The following DNAH11 variants were observed in gnomAD, a reference collection of about 807,000 sequenced individuals.
The protein encoded by DNAH11 is dynein axonemal heavy chain 11, also known as axonemal beta dynein heavy chain 11.
Under a neutral mutation model 526.0 loss-of-function variants are expected in DNAH11, and 442 were observed. The observed-to-expected ratio is 0.84, with a 90% CI of 0.78 to 0.91. DNAH11 has a LOEUF of 0.91. Ranked by LOEUF, DNAH11 falls within the 40% of genes least tolerant of loss-of-function variation. The pLI is 0.00. For missense variants in DNAH11, 6,989 were observed against 5,448.7 expected (o/e 1.28, Z -8.90); for synonymous variants, 2,461 against 1,935.9 (o/e 1.27, Z -7.12).
intron 69 of DNAH11, among the ~76,000 whole-genome samples, chr7:21,862,486 G>A (rs1057222901): frequency 1.1e-4 from 17 of 151,984 alleles, no homozygotes; most frequent in Non-Finnish European, 2.5e-4. Context: ...AATTAATAAC[G>A]CATATTTTTA....
chr7:21,775,355 A>G (rs561280340), intron 56 of DNAH11, among the ~76,000 whole-genome samples: 38 of 152,188 alleles, frequency 2.5e-4, no homozygotes, highest in African/African-American at 9.1e-4. Flanking sequence ...AGTGGCTCAC[A>G]CCTTTAATCC....
At chr7:21,793,876 T>C (rs939123729) in intron 61 of DNAH11, among the ~76,000 whole-genome samples, 2 of 152,196 alleles carry the variant, frequency 1.3e-5, no homozygotes, top group Non-Finnish European at 2.9e-5. Flanking sequence ...CTTGCTCTTT[T>C]TAAACTCCCT....
At chr7:21,644,180 G>A (rs936431228) in intron 28 of DNAH11, among the ~76,000 whole-genome samples, 1 of 152,190 alleles carries the variant, frequency 6.6e-6, no homozygotes, top group African/African-American at 2.4e-5. Flanking sequence ...AAAGGTGCTT[G>A]TGAGAAATGA....
intron 56 of DNAH11, among the ~76,000 whole-genome samples, chr7:21,776,449 C>G (rs918438553): frequency 1.1e-4 from 16 of 152,100 alleles, no homozygotes; most frequent in African/African-American, 3.9e-4. Context: ...GAGCGTAATG[C>G]CTGTATATTG....
In DNAH11 at chr7:21,816,549, G is replaced by T; in HGVS notation, c.10415G>T (p.Gly3472Val). The T allele has an allele frequency of 6.2e-7, 1 of 1,613,108 alleles. No individual in the cohort carries two copies. Among genetic ancestry groups the T allele is most frequent in the South Asian group, 1.1e-5 (1 of 90,800 alleles). ...DATIAAWNNE[G>V]LPSDRMSTEN... ...ACAATTGCCGCCTGGAATAACGAAG[G>T]ACTGCCCAGTGACAGAATGTCCACC... Residue 3472 changes from glycine (G) to valine (V), a missense_variant, in exon 64 of 82, where the codon GGA (glycine) becomes GTA (valine). Gly to Val is a moderately radical substitution (Grantham distance 109, BLOSUM62 -3). Transcript: ENST00000409508.
intron 28 of DNAH11, among the ~76,000 whole-genome samples, chr7:21,647,312 C>G (rs1156371873): frequency 1.3e-5 from 2 of 151,736 alleles, no homozygotes; most frequent in Non-Finnish European, 2.9e-5. Context: ...ATAGAAGTCT[C>G]AAAATCATCC....
At chr7:21,881,681 C>T (rs77196268) in intron 75 of DNAH11, among the ~76,000 whole-genome samples, 2 of 152,170 alleles carry the variant, frequency 1.3e-5, no homozygotes, top group Non-Finnish European at 2.9e-5. Flanking sequence ...TTCTATAAAG[C>T]GTTTTTAAAA....
intron 45 of DNAH11, among the ~76,000 whole-genome samples, chr7:21,726,325 C>G (rs776739609): frequency 2.0e-5 from 3 of 152,044 alleles, no homozygotes; most frequent in Non-Finnish European, 4.4e-5. Flanking sequence ...GAAACTGCCC[C>G]CATGACCCAA....
At chr7:21,866,369 C>A in intron 70 of DNAH11, 101 bp from the exon 71 acceptor site, 3 of 1,164,748 alleles carry the variant, frequency 2.6e-6, no homozygotes, top group Non-Finnish European at 3.6e-6. Flanking sequence ...TACTATCCAG[C>A]ACAGTTTTTT....
intron 63 of DNAH11, among the ~76,000 whole-genome samples, chr7:21,812,849 G>T (rs1789591950): frequency 6.6e-6 from 1 of 152,154 alleles, no homozygotes; most frequent in Non-Finnish European, 1.5e-5. Context: ...GAAGGGCCAG[G>T]CCTGTTGGCA....
intron 28 of DNAH11, among the ~76,000 whole-genome samples, chr7:21,649,710 T>A (rs2128463350): frequency 6.7e-6 from 1 of 150,022 alleles, no homozygotes; most frequent in East Asian, 2.0e-4. Context: ...CATGCTGGAG[T>A]GCTGGAGTGC....
chr7:21,824,092 C>G (rs1350717300), intron 65 of DNAH11, among the ~76,000 whole-genome samples: 3 of 152,136 alleles, frequency 2.0e-5, no homozygotes, highest in African/African-American at 7.2e-5. Context: ...ACTGAGAAAA[C>G]TTTCCTTTTC....
rs555524464 is a variant in DNAH11 at position 21,828,121 on chromosome 7, G to A, written c.10691+9782G>A. Among the ~76,000 whole-genome samples, 13 of 152,180 alleles carry A rather than the reference G, an allele frequency of 8.5e-5. No individual in the cohort carries two copies. The East Asian group carries it at 2.1e-3, about 25-fold the overall frequency. On this transcript the variant is annotated intron_variant, in intron 65 of 81. Transcript: ENST00000409508. Reference sequence around the variant, plus strand: ...GCGCCACCATGCGCGGCTAATTTTTGTATTTTTAGTAGAGATGGGGTTTCA... The same window carrying A: ...GCGCCACCATGCGCGGCTAATTTTTATATTTTTAGTAGAGATGGGGTTTCA...
chr7:21,641,316 C>T (rs984763315), intron 28 of DNAH11, among the ~76,000 whole-genome samples: 18 of 152,156 alleles, frequency 1.2e-4, no homozygotes, highest in Admixed American at 2.6e-4. Flanking sequence ...GCCTCCCCGT[C>T]GTGGCTGATA....
At chr7:21,680,523 G>C (rs1373805583) in intron 30 of DNAH11, among the ~76,000 whole-genome samples, 1 of 152,094 alleles carries the variant, frequency 6.6e-6, no homozygotes, top group African/African-American at 2.4e-5. Context: ...TTTTCTATTA[G>C]ATCCAAGTTC....
chr7:21,564,948 C>G (rs1011792536), intron 6 of DNAH11, among the ~76,000 whole-genome samples: 1 of 151,908 alleles, frequency 6.6e-6, no homozygotes, highest in Non-Finnish European at 1.5e-5. Context: ...TGTCCTCATC[C>G]TGTCTGTGTG....
chr7:21,650,156 T>A (rs79104921), intron 28 of DNAH11, among the ~76,000 whole-genome samples: 7,764 of 152,304 alleles, frequency 0.051, 233 homozygotes, highest in Non-Finnish European at 0.063. Flanking sequence ...AATTTATGCA[T>A]GTAAACATTT....
chr7:21,617,332 G>A (rs1029273171), intron 22 of DNAH11, among the ~76,000 whole-genome samples: 4 of 152,114 alleles, frequency 2.6e-5, no homozygotes, highest in Non-Finnish European at 5.9e-5. Flanking sequence ...TTCATTGCAC[G>A]TGTCCTGTGA....
intron 61 of DNAH11, 134 bp downstream of exon 61, chr7:21,789,476 T>C (rs918696419): frequency 1.3e-5 from 8 of 599,244 alleles, no homozygotes; most frequent in South Asian, 2.3e-5. Flanking sequence ...TGAGTGTATT[T>C]CCTTATATAC....
Sources: gnomAD v4.1 joint callset for allele counts (sites outside exome capture counted in the v4.1 genomes callset) on GRCh38, gnomAD v4.1.1 for gene constraint, MANE v1.5 for transcripts, NCBI Gene and HGNC (gene_info 2026-07-23, HGNC 2026-07-21) for gene names.